BRWD1: variants seen among roughly 807,000 people sequenced by gnomAD.
The protein encoded by BRWD1 is bromodomain and WD repeat-containing protein 1.
Under a neutral mutation model 251.2 loss-of-function variants are expected in BRWD1, and 82 were observed. The observed-to-expected ratio is 0.33, with a 90% CI of 0.27 to 0.39. BRWD1 has a LOEUF of 0.39. Among genes scored for constraint, BRWD1 ranks in the 10% least tolerant of loss-of-function variants. BRWD1 has a pLI of 1.00. For missense variants in BRWD1, 2,233 were observed against 2,711.6 expected (o/e 0.82, Z 3.92); for synonymous variants, 918 against 902.8 (o/e 1.02, Z -0.30).
intron 20 of BRWD1, among the ~76,000 whole-genome samples, chr21:39,248,164 C>T (rs926908524): frequency 1.3e-5 from 2 of 152,080 alleles, no homozygotes; most frequent in African/African-American, 2.4e-5. Flanking sequence ...AATACATATT[C>T]GTACATTATG....
intron 17 of BRWD1, among the ~76,000 whole-genome samples, chr21:39,259,188 A>G (rs2034659240): frequency 6.6e-6 from 1 of 152,236 alleles, no homozygotes; most frequent in Non-Finnish European, 1.5e-5. Flanking sequence ...TCCTCGGAGA[A>G]CAGTGCAATT....
intron 4 of BRWD1, among the ~76,000 whole-genome samples, chr21:39,310,442 C>A (rs1406843541): frequency 1.3e-5 from 2 of 151,976 alleles, no homozygotes; most frequent in Non-Finnish European, 2.9e-5. Flanking sequence ...AGTTCGAGAC[C>A]AGCCTGGCCA....
upstream of BRWD1, chr21:39,314,537 G>T: frequency 2.8e-6 from 1 of 351,296 alleles, no homozygotes; most frequent in Non-Finnish European, 5.7e-6. Context: ...AAGACTAGTA[G>T]GATGTGAGGT....
In BRWD1 at chr21:39,264,952, C is replaced by T. The variant is rs1568930289; in HGVS notation, c.1598G>A (p.Cys533Tyr). ...CAGAAGGTGCCCATGAGAATCTGTA[C>T]AGGCAAAATGCTGTCCATCCTGTGA... Reference protein sequence around the residue: ...KFSQDGQHFACTDSHGHLLIF... With the variant: ...KFSQDGQHFAYTDSHGHLLIF... The change falls in exon 16 of 41, where the codon TGT becomes TAT. Residue 533 changes from cysteine to tyrosine, a missense_variant. Coordinates refer to ENST00000342449, the MANE Select transcript of BRWD1 (RefSeq NM_033656.4). 6.2e-7 allele frequency: 1 copy of T among 1,613,840 alleles called. No individual in the cohort carries two copies. The highest frequency in any genetic ancestry group is 8.5e-7 in the Non-Finnish European group (1 of 1,179,796).
At chr21:39,268,425 G>A (rs1165684428) in intron 15 of BRWD1, among the ~76,000 whole-genome samples, 2 of 131,884 alleles carry the variant, frequency 1.5e-5, no homozygotes, top group Non-Finnish European at 3.2e-5. Context: ...TGGGCAACAA[G>A]AGAGAAACTC....
At chr21:39,257,250 G>A (rs1360306405) in intron 18 of BRWD1, among the ~76,000 whole-genome samples, 3 of 150,904 alleles carry the variant, frequency 2.0e-5, no homozygotes, top group Non-Finnish European at 2.9e-5. Context: ...GAACTGATAC[G>A]ATTTCTAGAA....
chr21:39,202,019 G>C (rs1213699713), intron 38 of BRWD1, among the ~76,000 whole-genome samples: 1 of 152,094 alleles, frequency 6.6e-6, no homozygotes, highest in Non-Finnish European at 1.5e-5. Flanking sequence ...GAACTTCATT[G>C]ATTCTTAGTA....
intron 8 of BRWD1, among the ~76,000 whole-genome samples, chr21:39,291,953 T>A (rs2035820185): frequency 6.6e-6 from 1 of 152,166 alleles, no homozygotes; most frequent in Non-Finnish European, 1.5e-5. Context: ...TCTCTTTTTT[T>A]ATTTTTATTT....
At chr21:39,233,584 C>T (rs1238862283) in intron 23 of BRWD1, among the ~76,000 whole-genome samples, 1 of 152,170 alleles carries the variant, frequency 6.6e-6, no homozygotes, top group Admixed American at 6.5e-5. Flanking sequence ...AAGTCTACTA[C>T]TAGTGTTGAA....
rs931536728 is a variant in BRWD1 at position 39,255,726 on chromosome 21, C to A, written c.2174G>T (p.Arg725Leu). 9 of 1,614,022 alleles carry A rather than the reference C, an allele frequency of 5.6e-6. No homozygotes were observed. Among genetic ancestry groups the A allele is most frequent in the Admixed American group, 5.0e-5 (3 of 60,002 alleles). ...GVRQMHQNAP[R>L]SQIATERDLQ... ...GTCACGTTCTGTAGCAATCTGACTG[C>A]GTGGAGCGTTTTGATGCATCTGACG... The change falls in exon 19 of 41, where the codon CGC becomes CTC. Residue 725 changes from arginine to leucine, a missense_variant. Coordinates refer to ENST00000342449, the MANE Select transcript of BRWD1 (RefSeq NM_033656.4).
rs189610811 is a variant in BRWD1, at chr21:39,216,914, T to C, written c.3659+1238A>G. 435 of 153,348 alleles carry C rather than the reference T, an allele frequency of 2.8e-3. 6 individuals carry two copies. Among genetic ancestry groups the C allele is most frequent in the African/African-American group, 0.01 (424 of 40,728 alleles). The allele number at this position is 153,348 out of a possible 1,614,324, so 9.5% of individuals were successfully genotyped here. A position where few individuals can be genotyped will look rare whatever the true frequency, so the allele number is the denominator to read the frequency against. ...TTAAGCCTAGTACCCATTAGTTGTT[T>C]TTCTTGATTCTCTCCTTCCTGTCAC... On this transcript the variant is annotated intron_variant, in intron 31 of 40. Coordinates refer to ENST00000342449, the MANE Select transcript of BRWD1 (RefSeq NM_033656.4).
chr21:39,211,033 T>C, intron 34 of BRWD1, 104 bp from the exon 35 acceptor site: 5 of 1,170,646 alleles, frequency 4.3e-6, no homozygotes, highest in Middle Eastern at 2.8e-4. Flanking sequence ...AATAATGTCA[T>C]ATATGTTGCT....
chr21:39,253,165 T>C (rs1424080974), intron 19 of BRWD1, among the ~76,000 whole-genome samples: 1 of 151,684 alleles, frequency 6.6e-6, no homozygotes, highest in Admixed American at 6.6e-5. Context: ...GACCCATGAC[T>C]GTAATCCCAG....
chr21:39,210,574 T>G (rs1015643635), intron 35 of BRWD1, among the ~76,000 whole-genome samples: 1 of 152,236 alleles, frequency 6.6e-6, no homozygotes, highest in African/African-American at 2.4e-5. Context: ...ATACTGATTA[T>G]CTAAGTCTAA....
chr21:39,232,461 A>G lies in BRWD1; in HGVS notation c.2804T>C (p.Met935Thr), dbSNP rs759074861. 9 of 1,586,952 alleles carry G rather than the reference A, an allele frequency of 5.7e-6. No individual in the cohort carries two copies. Among genetic ancestry groups the G allele is most frequent in the East Asian group, 2.2e-5 (1 of 44,782 alleles). The change falls in exon 24 of 41, where the codon ATG (methionine) becomes ACG (threonine). Residue 935 changes from methionine to threonine, a missense_variant. Physicochemically the swap from Met to Thr is moderately conservative, Grantham distance 81. This residue lies in a region of BRWD1 where 214 missense variants were observed against 222.0 expected (regional missense o/e 0.96). Coordinates refer to ENST00000342449, the MANE Select transcript of BRWD1 (RefSeq NM_033656.4). ...AGGGTGAAATTCATATAAATGCTCCATATTTGCAAGCTCTGCTGGAGTCAT... is the reference window on the plus strand; with the variant it reads ...AGGGTGAAATTCATATAAATGCTCCGTATTTGCAAGCTCTGCTGGAGTCAT... ...RRMTPAELAN[M>T]EHLYEFHPPV...
intron 5 of BRWD1, chr21:39,296,990 T>C: frequency 1.0e-6 from 1 of 985,314 alleles, no homozygotes; most frequent in East Asian, 1.1e-4. Flanking sequence ...GAAGTACCAA[T>C]AAATTATATA....
In BRWD1 at chr21:39,195,703, G is replaced by A; in HGVS notation, c.*556C>T. On this transcript the variant is annotated 3_prime_UTR_variant, in exon 41 of 41. Coordinates refer to ENST00000342449, the MANE Select transcript of BRWD1 (RefSeq NM_033656.4). ...GAAACCATTTCAATGAAAGTGACCA[G>A]ATCTGGTATAATGCATTCTACTCAA... 1 of 984,672 alleles carries A rather than the reference G, an allele frequency of 1.0e-6. No individual in the cohort carries two copies. Among genetic ancestry groups the A allele is most frequent in the Non-Finnish European group, 1.2e-6 (1 of 829,596 alleles). 61.0% of individuals were successfully genotyped at this position (984,672 alleles called of 1,614,324 possible). A position where few individuals can be genotyped will look rare whatever the true frequency, so the allele number is the denominator to read the frequency against.
chr21:39,304,036 G>C (rs2036204309), intron 4 of BRWD1, among the ~76,000 whole-genome samples: 1 of 151,016 alleles, frequency 6.6e-6, no homozygotes, highest in Non-Finnish European at 1.5e-5. Context: ...AGCTACTCAG[G>C]AGGCTTAGGC....
intron 36 of BRWD1, among the ~76,000 whole-genome samples, chr21:39,208,064 A>T (rs2032489082): frequency 6.6e-6 from 1 of 152,196 alleles, no homozygotes; most frequent in Non-Finnish European, 1.5e-5. Flanking sequence ...TTTTAGAAAG[A>T]TTATAAACGA....
Sources: allele counts gnomAD v4.1 joint callset (sites outside exome capture counted in the v4.1 genomes callset), GRCh38; gene constraint gnomAD v4.1.1; regional missense constraint gnomAD v4.1.1; transcripts MANE v1.5; gene names NCBI Gene and HGNC (gene_info 2026-07-23, HGNC 2026-07-21).